The following UNC79 variants were observed in gnomAD, a reference collection of about 807,000 sequenced individuals.
UNC79 encodes unc-79 subunit of NALCN channel complex, also known as protein unc-79 homolog.
Under a neutral mutation model 283.1 loss-of-function variants are expected in UNC79, and 37 were observed. The ratio of observed to expected loss-of-function variants is 0.13; its 90% confidence interval spans 0.10 to 0.17. UNC79 has a LOEUF of 0.17. Among genes scored for constraint, UNC79 ranks in the 10% least tolerant of loss-of-function variants. UNC79 has a pLI of 1.00. For missense variants in UNC79, 2,272 were observed against 3,211.1 expected, an observed-to-expected ratio of 0.71 and a Z score of 7.07; for synonymous variants, 1,107 against 1,200.2, an observed-to-expected ratio of 0.92 and a Z score of 1.61.
intron 1 of UNC79, among the ~76,000 whole-genome samples, chr14:93,446,705 T>G (rs1401360662): frequency 1.3e-5 from 2 of 152,152 alleles, no homozygotes; most frequent in African/African-American, 4.8e-5. Context: ...AGAAGTGTGT[T>G]GTTTAATTTC....
In UNC79 at chr14:93,658,068, T is replaced by C. The variant is rs538823253; in HGVS notation, c.6457-1125T>C. On this transcript the variant is annotated intron_variant, in intron 38 of 48. Transcript: ENST00000555664. The stretch of plus-strand genomic sequence containing the variant: ...TCAACTCCGATGAGTGTCGAGCAGA[T>C]TAAATAGAACCAGTGGTTCCCTTAG... Among the ~76,000 whole-genome samples the C allele has an allele frequency of 2.0e-5, 3 of 152,302 alleles. No individual in the cohort carries two copies. The South Asian group carries it at 6.2e-4, about 32-fold the overall frequency.
chr14:93,672,796 A>G (rs2073003526), intron 40 of UNC79, among the ~76,000 whole-genome samples: 1 of 152,206 alleles, frequency 6.6e-6, no homozygotes, highest in African/African-American at 2.4e-5. Flanking sequence ...TACAAATATT[A>G]TGTATGAATT....
chr14:93,569,938 A>T (rs2063120187), intron 14 of UNC79, among the ~76,000 whole-genome samples: 1 of 152,104 alleles, frequency 6.6e-6, no homozygotes, highest in Non-Finnish European at 1.5e-5. Flanking sequence ...ATTTATTTTT[A>T]AAAAATATTT....
chr14:93,467,090 A>G (rs567943373), intron 1 of UNC79, among the ~76,000 whole-genome samples: 1 of 152,186 alleles, frequency 6.6e-6, no homozygotes, highest in Non-Finnish European at 1.5e-5. Context: ...TCATCATGTT[A>G]ATCTACTCTT....
chr14:93,555,362 TATAA>T (rs2062115837), intron 14 of UNC79, among the ~76,000 whole-genome samples: 1 of 152,084 alleles, frequency 6.6e-6, no homozygotes, highest in Non-Finnish European at 1.5e-5. Context: ...CTGGTAGAGT[TATAA>T]GATTCTTCAT....
rs149552452 is a variant in UNC79, at chr14:93,586,881, A to G, written c.3005A>G (p.Tyr1002Cys). 144 of 1,613,964 alleles carry G rather than the reference A, an allele frequency of 8.9e-5. 4 individuals carry two copies. The highest frequency in any genetic ancestry group is 6.6e-4 in the Middle Eastern group (4 of 6,060). ...AAAGATCACCCTCAATTTTTAGCCT[A>G]CATTCAGGACCACATGTTGATTGCA... Residue 1002 changes from tyrosine to cysteine, a missense_variant, in exon 22 of 49, where the codon TAC becomes TGC. This residue lies in a region of UNC79 where 237 missense variants were observed against 378.9 expected (regional missense o/e 0.63). Coordinates refer to ENST00000555664, the Ensembl canonical transcript of UNC79.
intron 7 of UNC79, among the ~76,000 whole-genome samples, chr14:93,499,647 G>T (rs1567009572): frequency 6.6e-6 from 1 of 152,066 alleles, no homozygotes; most frequent in Non-Finnish European, 1.5e-5. Context: ...TACTATCTTG[G>T]AGCTTACATT....
At chr14:93,429,447 A>G (rs939493440), upstream of UNC79, among the ~76,000 whole-genome samples, 1 of 152,196 alleles carries the variant, frequency 6.6e-6, no homozygotes, top group Admixed American at 6.5e-5. Flanking sequence ...TGCAAATACC[A>G]TGAAACTTGA....
chr14:93,655,296 T>C (rs2070795906), exon 38 of UNC79: 4 of 1,614,070 alleles, frequency 2.5e-6, no homozygotes, highest in Non-Finnish European at 3.4e-6. Context: ...TGGAAAACAT[T>C]GCAACCTTCA....
intron 14 of UNC79, among the ~76,000 whole-genome samples, chr14:93,570,050 G>A (rs1416090128): frequency 1.3e-5 from 2 of 152,180 alleles, no homozygotes; most frequent in East Asian, 1.9e-4. Context: ...GGGCTCAGTC[G>A]ATCCTCCCAC....
At position 93,705,961 on chromosome 14, in the gene UNC79, C is replaced by T. The variant is rs560832686; in HGVS notation, c.7591-743C>T. On this transcript the variant is annotated intron_variant, in intron 48 of 48. Transcript: ENST00000555664. ...CGGCCTTGGTGCTATTTGTGGCGGCCGTCGGGGGCATGGGCACTGCTGAAA... is the reference window on the plus strand; with the variant it reads ...CGGCCTTGGTGCTATTTGTGGCGGCTGTCGGGGGCATGGGCACTGCTGAAA... 5.8e-4 allele frequency among the ~76,000 whole-genome samples: 88 copies of T among 152,030 alleles called. 1 individual carries two copies. Among genetic ancestry groups the T allele is most frequent in the Non-Finnish European group, 1.2e-3 (81 of 68,004 alleles).
chr14:93,596,912 C>T (rs974200940), intron 23 of UNC79, among the ~76,000 whole-genome samples: 7 of 152,190 alleles, frequency 4.6e-5, no homozygotes, highest in African/African-American at 7.2e-5. Context: ...TTTCACACCA[C>T]GACCTACTAA....
intron 27 of UNC79, 124 bp from the exon 29 acceptor site, chr14:93,616,998 G>A: frequency 1.3e-6 from 1 of 777,942 alleles, no homozygotes; most frequent in Non-Finnish European, 2.0e-6. Context: ...ATATTCTGTG[G>A]GATGCCTGTT....
chr14:93,388,308 C>G (rs2054819078), intron 1 of UNC79, among the ~76,000 whole-genome samples: 1 of 152,158 alleles, frequency 6.6e-6, no homozygotes, highest in Admixed American at 6.5e-5. Flanking sequence ...CATGAATATA[C>G]TACAATATAT....
chr14:93,600,743 T>G, exon 25 of UNC79: 1 of 1,613,432 alleles, frequency 6.2e-7, no homozygotes, highest in Non-Finnish European at 8.5e-7. Context: ...ACATTTGGAT[T>G]GTAACAAGGA....
exon 24 of UNC79, chr14:93,597,528 G>A: frequency 6.2e-7 from 1 of 1,612,130 alleles, no homozygotes; most frequent in African/African-American, 1.3e-5. Flanking sequence ...CCATAAAGAG[G>A]CCAGCATTGC....
intron 1 of UNC79, among the ~76,000 whole-genome samples, chr14:93,351,066 C>T (rs1015224608): frequency 6.6e-6 from 1 of 151,472 alleles, no homozygotes; most frequent in African/African-American, 2.4e-5. Context: ...GTACTCTTTT[C>T]AACAGGTTTG....
chr14:93,589,913 T>C (rs1250277938), intron 22 of UNC79, among the ~76,000 whole-genome samples: 1 of 152,104 alleles, frequency 6.6e-6, no homozygotes, highest in Non-Finnish European at 1.5e-5. Flanking sequence ...AACAAAATAT[T>C]AGCCAAGTAT....
intron 1 of UNC79, among the ~76,000 whole-genome samples, chr14:93,435,772 T>C (rs2140110735): frequency 6.6e-6 from 1 of 152,340 alleles, no homozygotes; most frequent in South Asian, 2.1e-4. Context: ...TTCTAGCTCG[T>C]CAACAATCTC....
Sources: allele counts gnomAD v4.1 joint callset (sites outside exome capture counted in the v4.1 genomes callset), GRCh38; gene constraint gnomAD v4.1.1; regional missense constraint gnomAD v4.1.1; transcripts MANE v1.5; gene names NCBI Gene and HGNC (gene_info 2026-07-23, HGNC 2026-07-21).